Variants in ZFR2 observed in about 807,000 individuals in gnomAD.
ZFR2 encodes the protein zinc finger RNA-binding protein 2.
Under a neutral mutation model 105.7 loss-of-function variants are expected in ZFR2, and 104 were observed. That is an observed-to-expected ratio of 0.98 (90% CI 0.84 to 1.16). The LOEUF (loss-of-function observed/expected upper bound fraction) is 1.16. Among genes scored for constraint, ZFR2 ranks in the 50% most tolerant of loss-of-function variants. The pLI is 0.00. For missense variants in ZFR2, 1,425 were observed against 1,355.5 expected (o/e 1.05, Z -0.80); for synonymous variants, 634 against 597.7 (o/e 1.06, Z -0.89).
intron 13 of ZFR2, 115 bp from the exon 14 acceptor site, chr19:3,814,073 C>T (rs2037800610): frequency 1.4e-6 from 2 of 1,468,920 alleles, no homozygotes; most frequent in African/African-American, 1.4e-5. Flanking sequence ...CCCACACTTG[C>T]TGCCTGGGTG....
At chr19:3,832,672 C>G (rs1446757653) in intron 3 of ZFR2, among the ~76,000 whole-genome samples, 1 of 149,150 alleles carries the variant, frequency 6.7e-6, no homozygotes, top group Non-Finnish European at 1.5e-5. Flanking sequence ...GGGTCTTGCT[C>G]TGCTGCCCAG....
At chr19:3,810,921 G>C (rs2037756922) in intron 15 of ZFR2, 76 bp from the exon 16 acceptor site, 1 of 1,480,972 alleles carries the variant, frequency 6.8e-7, no homozygotes, top group Non-Finnish European at 9.2e-7. Flanking sequence ...TCTGTCGTGA[G>C]CGTGAACCCC....
chr19:3,859,320 T>C (rs1464546992), intron 1 of ZFR2, among the ~76,000 whole-genome samples: 1 of 152,196 alleles, frequency 6.6e-6, no homozygotes, highest in African/African-American at 2.4e-5. Flanking sequence ...GACTGACGGC[T>C]GTGCTGTCGG....
At chr19:3,849,184 G>A (rs986585192) in intron 1 of ZFR2, among the ~76,000 whole-genome samples, 1 of 151,698 alleles carries the variant, frequency 6.6e-6, no homozygotes, top group Non-Finnish European at 1.5e-5. Flanking sequence ...AGAGGGCTGT[G>A]GGGGCAAGTG....
In ZFR2 at chr19:3,834,646, G is replaced by A. The variant is rs1015266979; in HGVS notation, c.264+127C>T. The A allele has an allele frequency of 4.9e-6, 5 of 1,020,774 alleles. No individual in the cohort carries two copies. Among genetic ancestry groups the A allele is most frequent in the Non-Finnish European group, 5.8e-6 (4 of 686,868 alleles). 63.2% of individuals were successfully genotyped at this position (1,020,774 alleles called of 1,614,324 possible). A position where few individuals can be genotyped will look rare whatever the true frequency, so the allele number is the denominator to read the frequency against. ...CACGGGTACGCAATGCCAGCAGAAG[G>A]GTCCCGAAGGAAGGATCACGGTTAA... On this transcript the variant is annotated intron_variant, in intron 2 of 18. Coordinates refer to ENST00000262961, the MANE Select transcript of ZFR2 (RefSeq NM_015174.2). This position sits in a 1 kb window ranked among gnomAD's most constrained non-coding sequence, Gnocchi z 5.3.
rs149551602 is a variant in ZFR2, at chr19:3,833,645, G to T, written c.379+19C>A. 2 of 1,538,514 alleles carry T rather than the reference G, an allele frequency of 1.3e-6. No individual in the cohort carries two copies. The highest frequency in any genetic ancestry group is 1.2e-5 in the South Asian group (1 of 84,054). On this transcript the variant is annotated intron_variant, in intron 3 of 18. Transcript: ENST00000262961. ...GGAGCGTCTCCTCGTTCCCAGCCCC[G>T]ACCCTGCAGATGGCTCACCTGGCTG...
Position 3,823,480 on chromosome 19 carries a change from G to T in ZFR2, c.1214-77C>A. ...AGCTGCAGACCCGCCAGGCGGCATG[G>T]GGTGGAGAGCCACCCAGACTGCAGG... On this transcript the variant is annotated intron_variant, in intron 7 of 18. Coordinates refer to ENST00000262961, the MANE Select transcript of ZFR2 (RefSeq NM_015174.2). This position sits in a 1 kb window ranked among gnomAD's most constrained non-coding sequence, Gnocchi z 5.4. 3 of 1,462,286 alleles carry T rather than the reference G, an allele frequency of 2.1e-6. No individual in the cohort carries two copies. Among genetic ancestry groups the T allele is most frequent in the East Asian group, 2.3e-5 (1 of 43,058 alleles). 90.6% of individuals were successfully genotyped at this position (1,462,286 alleles called of 1,614,324 possible). A position where few individuals can be genotyped will look rare whatever the true frequency, so the allele number is the denominator to read the frequency against.
rs2037964396 is a variant in ZFR2 at position 3,827,525 on chromosome 19, G to A, written c.981C>T (p.Ser327=). 5 of 1,560,444 alleles carry A rather than the reference G, an allele frequency of 3.2e-6. No homozygotes were observed. The highest frequency in any genetic ancestry group is 4.3e-6 in the Non-Finnish European group (5 of 1,153,106). The part of the protein sequence containing the change: ...AQLHCDLCAV[S]CTGADAYAAH... Reference sequence around the variant, plus strand: ...CCGCGTAGGCGTCCGCCCCGGTGCAGGACACGGCGCACAGGTCGCAATGCA... The same window carrying A: ...CCGCGTAGGCGTCCGCCCCGGTGCAAGACACGGCGCACAGGTCGCAATGCA... Residue 327 remains serine (S), a synonymous_variant, in exon 6 of 19, where the codon TCC becomes TCT. Transcript: ENST00000262961.
At chr19:3,807,466 C>T (rs191932240) in intron 17 of ZFR2, among the ~76,000 whole-genome samples, 197 bp from the exon 18 acceptor site, 4 of 152,366 alleles carry the variant, frequency 2.6e-5, no homozygotes, top group Admixed American at 2.6e-4. Context: ...GTCCTCCTGG[C>T]CCCTCAAAGC....
At chr19:3,868,731 T>C (rs1352841271) in intron 1 of ZFR2, among the ~76,000 whole-genome samples, 1 of 151,138 alleles carries the variant, frequency 6.6e-6, no homozygotes, top group Non-Finnish European at 1.5e-5. Flanking sequence ...ACAGACACCG[T>C]TGGCTGCAGA....
intron 5 of ZFR2, 148 bp from the exon 6 acceptor site, chr19:3,827,801 G>A: frequency 1.2e-6 from 1 of 844,576 alleles, no homozygotes; most frequent in South Asian, 1.8e-5. Flanking sequence ...TGCCATGGAG[G>A]TTCCAGTGTC....
Position 3,806,086 on chromosome 19 carries a change from C to G in ZFR2, c.2683G>C (p.Val895Leu), listed in dbSNP as rs1212384100. Residue 895 changes from valine to leucine, a missense_variant, in exon 19 of 19, where the codon GTC becomes CTC. Physicochemically the swap from Val to Leu is conservative, Grantham distance 32. Transcript: ENST00000262961. ...RMLAFRQTHK[V>L]LGMDLLPPRH... ...GGCGGCAGGAGATCCATGCCCAGGA[C>G]CTTGTGGGTCTGCCGGAAGGCCAGC... 1 of 1,500,920 alleles carries G rather than the reference C, an allele frequency of 6.7e-7. No homozygotes were observed. The highest frequency in any genetic ancestry group is 8.9e-7 in the Non-Finnish European group (1 of 1,125,192). The allele number at this position is 1,500,920 out of a possible 1,614,324, so 93.0% of individuals were successfully genotyped here. A position where few individuals can be genotyped will look rare whatever the true frequency, so the allele number is the denominator to read the frequency against.
At chr19:3,826,892 G>A (rs1433571088) in intron 6 of ZFR2, among the ~76,000 whole-genome samples, 1 of 152,236 alleles carries the variant, frequency 6.6e-6, no homozygotes, top group Non-Finnish European at 1.5e-5. Flanking sequence ...GGAAGTCCGG[G>A]TGTGAGTGTC....
chr19:3,861,241 A>G lies in ZFR2; in HGVS notation c.53+7724T>C, dbSNP rs192496882. Reference sequence around the variant, plus strand: ...CCTTAGGGGAAAAAAACCTGCCCAAAGCAAAAGGAACATATCCACCAAAAA... The same window carrying G: ...CCTTAGGGGAAAAAAACCTGCCCAAGGCAAAAGGAACATATCCACCAAAAA... On this transcript the variant is annotated intron_variant, in intron 1 of 18. Coordinates refer to ENST00000262961, the MANE Select transcript of ZFR2 (RefSeq NM_015174.2). Among the ~76,000 whole-genome samples, 1,255 of 152,364 alleles carry G rather than the reference A, an allele frequency of 8.2e-3. 12 individuals carry two copies. Among genetic ancestry groups the G allele is most frequent in the Non-Finnish European group, 0.014 (986 of 68,034 alleles).
In ZFR2 at chr19:3,813,770, C is replaced by G. The variant is rs755240330; in HGVS notation, c.2242+50G>C. ...CCCAGGCCTGGGTGTGGGGAGCGCC[C>G]TGGGGAAGCGTGAGGGGGACAGTGG... On this transcript the variant is annotated intron_variant, in intron 14 of 18. Coordinates refer to ENST00000262961, the MANE Select transcript of ZFR2 (RefSeq NM_015174.2). The surrounding 1 kb of genome is among the most constrained non-coding windows in gnomAD (Gnocchi z 4.4). 2.8e-5 allele frequency: 45 copies of G among 1,605,050 alleles called. No individual in the cohort carries two copies. Among genetic ancestry groups the G allele is most frequent in the Non-Finnish European group, 3.8e-5 (45 of 1,175,128 alleles).
At chr19:3,859,530 C>T (rs1051693990) in intron 1 of ZFR2, among the ~76,000 whole-genome samples, 29 of 152,338 alleles carry the variant, frequency 1.9e-4, no homozygotes, top group African/African-American at 6.0e-4. Context: ...CACTGACTTC[C>T]GTGCCCCGGG....
intron 14 of ZFR2, among the ~76,000 whole-genome samples, chr19:3,812,400 C>T (rs1353756771): frequency 6.6e-6 from 1 of 152,110 alleles, no homozygotes; most frequent in Non-Finnish European, 1.5e-5. Context: ...GTTTTAGAAG[C>T]TCACCTCCCC....
intron 1 of ZFR2, among the ~76,000 whole-genome samples, chr19:3,864,283 G>T (rs1233292726): frequency 3.6e-4 from 55 of 152,042 alleles, no homozygotes; most frequent in Admixed American, 3.6e-3. Flanking sequence ...GAAGCTGAGG[G>T]GGGAAGACTG....
At chr19:3,831,267 T>C in intron 5 of ZFR2, 36 bp downstream of exon 5, 1 of 1,469,626 alleles carries the variant, frequency 6.8e-7, no homozygotes, top group African/African-American at 1.4e-5. Context: ...GACAGAGAGG[T>C]CCCTGGGGCC....
Sources: gnomAD v4.1 joint callset for allele counts (sites outside exome capture counted in the v4.1 genomes callset) on GRCh38, gnomAD v4.1.1 for gene constraint, Gnocchi (gnomAD v3.1) non-coding constraint, MANE v1.5 for transcripts, NCBI Gene and HGNC (gene_info 2026-07-23, HGNC 2026-07-21) for gene names.